UMAD1: variants seen among roughly 807,000 people sequenced by gnomAD.
UMAD1 encodes UBAP1-MVB12-associated (UMA)-domain containing protein 1.
A neutral mutation model predicts 6.1 loss-of-function variants in UMAD1; 8 were observed. The observed-to-expected ratio is 1.30, with a 90% confidence interval of 0.76 to 2.35. The LOEUF (loss-of-function observed/expected upper bound fraction) is 2.35, where lower values mean the gene tolerates loss of function less well. UMAD1 is among the 30% of genes most tolerant of loss of function. The pLI is 0.00. For missense variants in UMAD1, 130 were observed against 78.4 expected, an observed-to-expected ratio of 1.66 and a Z score of -2.49; for synonymous variants, 56 against 31.4, an observed-to-expected ratio of 1.78 and a Z score of -2.61.
In UMAD1 at chr7:7,810,505, A is replaced by G. The variant is rs552061650; in HGVS notation, c.156+8762A>G. On this transcript the variant is annotated intron_variant, in intron 3 of 3. Coordinates refer to ENST00000682710, the MANE Select transcript of UMAD1 (RefSeq NM_001302348.2). ...ATACAGATATAGTACTTAATTTTAT[A>G]ATTTTAGTTAAAAATGCAATATACA... Among the ~76,000 whole-genome samples the G allele has an allele frequency of 2.6e-4, 40 of 152,286 alleles. No homozygotes were observed. In the East Asian group the frequency reaches 6.6e-3, roughly 25 times the overall value.
chr7:7,710,713 T>C (rs768891125), intron 2 of UMAD1, among the ~76,000 whole-genome samples: 3 of 152,214 alleles, frequency 2.0e-5, no homozygotes, highest in Non-Finnish European at 2.9e-5. Flanking sequence ...CCCAGAGAAA[T>C]TGAAGACGTA....
intron 2 of UMAD1, among the ~76,000 whole-genome samples, chr7:7,721,473 A>G (rs28569048): frequency 2.6e-5 from 4 of 152,240 alleles, no homozygotes; most frequent in Non-Finnish European, 4.4e-5. Flanking sequence ...TACTGCCATT[A>G]GGAGCCATTT....
intron 2 of UMAD1, among the ~76,000 whole-genome samples, chr7:7,699,852 G>A (rs1489465936): frequency 2.0e-5 from 3 of 152,178 alleles, no homozygotes; most frequent in African/African-American, 7.2e-5. Flanking sequence ...TCTAAACTGA[G>A]CTCTGGGTTA....
chr7:7,720,284 T>TA (rs1340625261), intron 2 of UMAD1, among the ~76,000 whole-genome samples: 1 of 152,176 alleles, frequency 6.6e-6, no homozygotes, highest in African/African-American at 2.4e-5. Context: ...AAATGGGATG[T>TA]AAAAACCCTA....
intron 2 of UMAD1, among the ~76,000 whole-genome samples, chr7:7,750,677 A>T (rs1781661275): frequency 6.6e-6 from 1 of 152,202 alleles, no homozygotes; most frequent in Non-Finnish European, 1.5e-5. Context: ...TGAGGTAGGC[A>T]TTATTTTATC....
intron 3 of UMAD1, among the ~76,000 whole-genome samples, chr7:7,834,723 C>G (rs1330740607): frequency 6.6e-6 from 1 of 152,116 alleles, no homozygotes; most frequent in Non-Finnish European, 1.5e-5. Context: ...TCCCTAAACA[C>G]CTGATCTTCA....
intron 1 of UMAD1, among the ~76,000 whole-genome samples, chr7:7,663,885 C>T (rs1033708810): frequency 1.3e-5 from 2 of 152,124 alleles, no homozygotes; most frequent in South Asian, 2.1e-4. Context: ...CTAGTCAAAA[C>T]AAGCAAAGGT....
chr7:7,743,258 T>C (rs1037412765), intron 2 of UMAD1, among the ~76,000 whole-genome samples: 7 of 152,196 alleles, frequency 4.6e-5, no homozygotes, highest in Non-Finnish European at 7.4e-5. Flanking sequence ...TGAATTGTTA[T>C]GCAAAATCTA....
chr7:7,727,999 C>T (rs1007395354), intron 2 of UMAD1, among the ~76,000 whole-genome samples: 24 of 152,116 alleles, frequency 1.6e-4, no homozygotes, highest in Middle Eastern at 3.4e-3. Context: ...TTAGTTTTGT[C>T]CCTCTAGAGA....
chr7:7,712,410 A>G (rs1325757070), intron 2 of UMAD1, among the ~76,000 whole-genome samples: 2 of 152,150 alleles, frequency 1.3e-5, no homozygotes, highest in Non-Finnish European at 2.9e-5. Flanking sequence ...CATTTTTCAT[A>G]AAAATCACAT....
chr7:7,783,016 A>C (rs896027010), intron 2 of UMAD1, among the ~76,000 whole-genome samples: 3 of 152,214 alleles, frequency 2.0e-5, no homozygotes, highest in Admixed American at 1.3e-4. Context: ...TACAGGCATG[A>C]GGCATCGTGC....
At chr7:7,736,057 G>A (rs2115198146) in intron 2 of UMAD1, 1 of 152,408 alleles carries the variant, frequency 6.6e-6, no homozygotes. Flanking sequence ...TCTTTTGAAT[G>A]TTGCAGTGAA....
chr7:7,677,491 G>C (rs1779772002), intron 2 of UMAD1, among the ~76,000 whole-genome samples: 2 of 151,826 alleles, frequency 1.3e-5, no homozygotes, highest in African/African-American at 4.8e-5. Flanking sequence ...CCTCATATGA[G>C]TGAGAAAATG....
intron 2 of UMAD1, among the ~76,000 whole-genome samples, chr7:7,751,124 CATT>C (rs1448252968): frequency 6.6e-6 from 1 of 152,118 alleles, no homozygotes; most frequent in African/African-American, 2.4e-5. Context: ...ATAATGCTGT[CATT>C]ATTGTTTTCT....
Position 7,770,036 on chromosome 7 carries a change from T to C in UMAD1, c.83-31634T>C, listed in dbSNP as rs75327862. ...TCCCTTTTTTATTCTTTCAGACTTA[T>C]TTCTAATCAGCTGCTTTCTTCATTA... On this transcript the variant is annotated intron_variant, in intron 2 of 3. Coordinates refer to ENST00000682710, the MANE Select transcript of UMAD1 (RefSeq NM_001302348.2). Among the ~76,000 whole-genome samples the C allele has an allele frequency of 2.3e-3, 352 of 152,340 alleles. 2 individuals are homozygous for C. Among genetic ancestry groups the C allele is most frequent in the Non-Finnish European group, 4.0e-3 (275 of 68,030 alleles).
chr7:7,842,974 G>C (rs1030368702), intron 3 of UMAD1, among the ~76,000 whole-genome samples: 2 of 152,170 alleles, frequency 1.3e-5, no homozygotes, highest in Non-Finnish European at 2.9e-5. Flanking sequence ...GGGGGACGCT[G>C]TGGGCCAAGT....
rs145504081 is a variant in UMAD1, at chr7:7,781,911, T to G, written c.83-19759T>G. Among the ~76,000 whole-genome samples, 748 of 152,230 alleles carry G rather than the reference T, an allele frequency of 4.9e-3. 21 individuals carry two copies. The highest frequency in any genetic ancestry group is 0.044 in the Admixed American group (666 of 15,298). ...GAAATGTAGAATTCTGATCTGTTCTTTTAATGCATTGAGGTACTCATTTTT... is the reference window on the plus strand; with the variant it reads ...GAAATGTAGAATTCTGATCTGTTCTGTTAATGCATTGAGGTACTCATTTTT... On this transcript the variant is annotated intron_variant, in intron 2 of 3. Transcript: ENST00000682710.
At chr7:7,778,227 TGTGTGTGTGTGTGTG>T (rs1344242378) in intron 2 of UMAD1, among the ~76,000 whole-genome samples, 1 of 23,356 alleles carries the variant, frequency 4.3e-5, no homozygotes. Flanking sequence ...AAACTGGTTT[TGTGTGTGTGTGTGTG>T]TGTGTGTGTG....
intron 2 of UMAD1, among the ~76,000 whole-genome samples, chr7:7,773,741 T>C (rs1163084910): frequency 6.6e-6 from 1 of 152,154 alleles, no homozygotes; most frequent in Non-Finnish European, 1.5e-5. Flanking sequence ...TAAAACATTT[T>C]TATATGTTGA....
Sources: gnomAD v4.1 joint callset for allele counts (sites outside exome capture counted in the v4.1 genomes callset) on GRCh38, gnomAD v4.1.1 for gene constraint, MANE v1.5 for transcripts, NCBI Gene and HGNC (gene_info 2026-07-23, HGNC 2026-07-21) for gene names.